The following CLTC variants were observed in gnomAD, a reference collection of about 807,000 sequenced individuals.
CLTC encodes the protein clathrin heavy chain, also known as clathrin heavy chain 1.
A neutral mutation model predicts 195.8 loss-of-function variants in CLTC; 16 were observed. The observed-to-expected ratio is 0.08, with a 90% confidence interval of 0.06 to 0.12. The LOEUF is 0.12. Among genes scored for constraint, CLTC ranks in the 10% least tolerant of loss-of-function variants. The pLI is 1.00. For missense variants in CLTC, 796 were observed against 2,027.0 expected, an observed-to-expected ratio of 0.39 and a Z score of 11.66; for synonymous variants, 667 against 689.4, an observed-to-expected ratio of 0.97 and a Z score of 0.51.
intron 2 of CLTC, among the ~76,000 whole-genome samples, chr17:59,645,503 C>G (rs755504677): frequency 2.0e-4 from 31 of 151,976 alleles, no homozygotes; most frequent in Non-Finnish European, 4.1e-4. Flanking sequence ...TAAGAGGGCT[C>G]GGTGACAAAC....
At chr17:59,634,322 G>A (rs780236093) in intron 1 of CLTC, among the ~76,000 whole-genome samples, 102 of 152,068 alleles carry the variant, frequency 6.7e-4, no homozygotes, top group Non-Finnish European at 1.3e-3. Context: ...GCATTTATAC[G>A]GGGGGCATAA....
chr17:59,681,844 G>T lies in CLTC; in HGVS notation c.3442+5G>T. On this transcript the variant is annotated splice_donor_5th_base_variant and intron_variant, in intron 21 of 31. Coordinates refer to ENST00000269122, the MANE Select transcript of CLTC (RefSeq NM_004859.4). This position sits in a 1 kb window ranked among gnomAD's most constrained non-coding sequence, Gnocchi z 5.0. Reference sequence around the variant, plus strand: ...TTCAGGCTGCCAATACTAGTGGTATGACTTCTTACCTTATGTATTGAAACC... The same window carrying T: ...TTCAGGCTGCCAATACTAGTGGTATTACTTCTTACCTTATGTATTGAAACC... 1 of 1,607,262 alleles carries T rather than the reference G, an allele frequency of 6.2e-7. No individual in the cohort carries two copies. The highest frequency in any genetic ancestry group is 1.1e-5 in the South Asian group (1 of 90,310).
At chr17:59,678,383 T>C (rs927441363) in intron 17 of CLTC, among the ~76,000 whole-genome samples, 6 of 119,874 alleles carry the variant, frequency 5.0e-5, no homozygotes, top group Non-Finnish European at 7.2e-5. Context: ...TGATTCTTGC[T>C]TAAACCATTC....
intron 14 of CLTC, among the ~76,000 whole-genome samples, chr17:59,672,285 TTTGGAATACAG>T (rs1191938445): frequency 1.3e-5 from 2 of 152,202 alleles, no homozygotes; most frequent in African/African-American, 4.8e-5. Flanking sequence ...GAAATTTTCT[TTTGGAATACAG>T]TTAGTATTCC....
intron 7 of CLTC, among the ~76,000 whole-genome samples, chr17:59,661,107 G>A (rs2032597526): frequency 6.6e-6 from 1 of 151,618 alleles, no homozygotes; most frequent in African/African-American, 2.4e-5. Context: ...AGCTATAACT[G>A]TTTTATGATT....
At chr17:59,659,057 A>T (rs2032545497) in intron 6 of CLTC, among the ~76,000 whole-genome samples, 4 of 152,206 alleles carry the variant, frequency 2.6e-5, no homozygotes, top group Admixed American at 2.6e-4. Flanking sequence ...GAAATTTCCT[A>T]TATTCATTTA....
Position 59,619,944 on chromosome 17 carries a change from C to CT in CLTC, c.-187dup, listed in dbSNP as rs1371135584. 8.6e-6 allele frequency: 5 copies of CT among 582,218 alleles called. No homozygotes were observed. The highest frequency in any genetic ancestry group is 9.0e-4 in the Middle Eastern group (2 of 2,222). 36.1% of individuals were successfully genotyped at this position (582,218 alleles called of 1,614,324 possible). Reference sequence around the variant, plus strand: ...GCCCGGTTCCGCCATTGCGGCTCTCCTGGCCCCTGGAGCCTCCGCCCCCGA... The same window carrying CT: ...GCCCGGTTCCGCCATTGCGGCTCTCCTTGGCCCCTGGAGCCTCCGCCCCCGA... On this transcript the variant is annotated 5_prime_UTR_variant, in exon 1 of 32. Coordinates refer to ENST00000269122, the MANE Select transcript of CLTC (RefSeq NM_004859.4).
At chr17:59,674,999 TG>T (rs1440402231) in intron 16 of CLTC, among the ~76,000 whole-genome samples, 156 bp downstream of exon 16, 2 of 152,132 alleles carry the variant, frequency 1.3e-5, no homozygotes, top group African/African-American at 4.8e-5. Flanking sequence ...CTAATAGCAC[TG>T]GGAAAAAATC....
chr17:59,665,527 T>C (rs1567957491), intron 10 of CLTC, among the ~76,000 whole-genome samples: 1 of 152,104 alleles, frequency 6.6e-6, no homozygotes, highest in Non-Finnish European at 1.5e-5. Context: ...CTATTGGTTT[T>C]CTAAAGTTCA....
chr17:59,662,034 T>C (rs578217840), intron 8 of CLTC, among the ~76,000 whole-genome samples: 4 of 150,882 alleles, frequency 2.7e-5, no homozygotes, highest in Non-Finnish European at 5.9e-5. Context: ...ACCCGGGAGG[T>C]AGAGGTTGCA....
Position 59,666,280 on chromosome 17 carries a change from G to C in CLTC, c.1782+40G>C. 1 of 1,604,244 alleles carries C rather than the reference G, an allele frequency of 6.2e-7. No homozygotes were observed. The highest frequency in any genetic ancestry group is 1.3e-5 in the African/African-American group (1 of 74,872). ...GCTTTTTAGGCATGTTTCCAACATT[G>C]TTTTAGTAATTGTGCAGCGCCTCTC... On this transcript the variant is annotated intron_variant, in intron 11 of 31. Coordinates refer to ENST00000269122, the MANE Select transcript of CLTC (RefSeq NM_004859.4). This position sits in a 1 kb window ranked among gnomAD's most constrained non-coding sequence, Gnocchi z 4.9.
chr17:59,676,537 G>A (rs1484362648), intron 16 of CLTC, among the ~76,000 whole-genome samples: 1 of 152,186 alleles, frequency 6.6e-6, no homozygotes, highest in Non-Finnish European at 1.5e-5. Context: ...CAGATATAAG[G>A]AGGTAAGTAT....
chr17:59,682,125 A>AAT lies in CLTC; in HGVS notation c.3443-144_3443-143dup. The AAT allele has an allele frequency of 1.3e-6, 1 of 775,854 alleles. No individual in the cohort carries two copies. Among genetic ancestry groups the AAT allele is most frequent in the Non-Finnish European group, 2.0e-6 (1 of 495,988 alleles). 48.1% of individuals were successfully genotyped at this position (775,854 alleles called of 1,614,324 possible). A position where few individuals can be genotyped will look rare whatever the true frequency, so the allele number is the denominator to read the frequency against. ...TTCATCTATTCATTTGGTCCGTGAT[A>AAT]ATACAGAAGTGAAATATTGCACGGT... On this transcript the variant is annotated intron_variant, in intron 21 of 31. Transcript: ENST00000269122. This position sits in a 1 kb window ranked among gnomAD's most constrained non-coding sequence, Gnocchi z 6.8.
chr17:59,680,303 A>G (rs889367700), intron 18 of CLTC, among the ~76,000 whole-genome samples: 3 of 152,196 alleles, frequency 2.0e-5, no homozygotes, highest in Admixed American at 6.5e-5. Context: ...TAGAACTGCA[A>G]ATGAGATGGG....
intron 14 of CLTC, among the ~76,000 whole-genome samples, chr17:59,671,531 G>A (rs1480899150): frequency 6.6e-6 from 1 of 152,130 alleles, no homozygotes; most frequent in Admixed American, 6.6e-5. Flanking sequence ...TCTCCTTTAA[G>A]GTACCCTGTG....
At chr17:59,677,311 T>G in intron 17 of CLTC, 123 bp downstream of exon 17, 1 of 675,340 alleles carries the variant, frequency 1.5e-6, no homozygotes, top group Non-Finnish European at 2.5e-6. Flanking sequence ...TTTAAAACTT[T>G]ATTTGGAAAT....
At chr17:59,630,238 G>A (rs574072675) in intron 1 of CLTC, among the ~76,000 whole-genome samples, 54 of 152,142 alleles carry the variant, frequency 3.5e-4, no homozygotes, top group Non-Finnish European at 4.4e-4. Flanking sequence ...CTGAGCCCAA[G>A]CAATCTGCCT....
chr17:59,676,714 C>G (rs2032973799), intron 16 of CLTC, among the ~76,000 whole-genome samples: 2 of 152,084 alleles, frequency 1.3e-5, no homozygotes, highest in African/African-American at 4.8e-5. Flanking sequence ...ACCTATAGTA[C>G]CAGCTACTCG....
intron 14 of CLTC, among the ~76,000 whole-genome samples, chr17:59,672,219 T>C (rs1373924048): frequency 6.6e-6 from 1 of 152,152 alleles, no homozygotes; most frequent in Non-Finnish European, 1.5e-5. Flanking sequence ...TATAAAATCA[T>C]GTGCAAATTT....
Sources: gnomAD v4.1 joint callset for allele counts (sites outside exome capture counted in the v4.1 genomes callset) on GRCh38, gnomAD v4.1.1 for gene constraint, Gnocchi (gnomAD v3.1) non-coding constraint, MANE v1.5 for transcripts, NCBI Gene and HGNC (gene_info 2026-07-23, HGNC 2026-07-21) for gene names.